The following WDR70 variants were observed in gnomAD, a reference collection of about 807,000 sequenced individuals.
WDR70 encodes WD repeat domain 70.
Under a neutral mutation model 88.6 loss-of-function variants are expected in WDR70, and 53 were observed. The ratio of observed to expected loss-of-function variants is 0.60; its 90% CI spans 0.48 to 0.75. The LOEUF is 0.75. WDR70 is among the 30% of genes least tolerant of loss of function. The pLI is 0.00. For synonymous variants in WDR70, 280 were observed against 270.0 expected (o/e 1.04, Z -0.36); for missense variants, 610 against 823.2 (o/e 0.74, Z 3.17).
chr5:37,577,569 T>G (rs1366191147), intron 9 of WDR70, among the ~76,000 whole-genome samples: 1 of 152,090 alleles, frequency 6.6e-6, no homozygotes, highest in Non-Finnish European at 1.5e-5. Context: ...AGGGAGATAA[T>G]GTTTTAGTTG....
intron 3 of WDR70, among the ~76,000 whole-genome samples, chr5:37,391,288 A>G (rs1160497502): frequency 6.6e-6 from 1 of 152,184 alleles, no homozygotes; most frequent in Non-Finnish European, 1.5e-5. Context: ...TTGTTATAAA[A>G]TACACATAAA....
intron 9 of WDR70, among the ~76,000 whole-genome samples, chr5:37,594,849 C>G (rs1475527040): frequency 6.6e-6 from 1 of 152,080 alleles, no homozygotes; most frequent in Non-Finnish European, 1.5e-5. Flanking sequence ...TTGAAGAGGT[C>G]CTTCACATCC....
At chr5:37,583,919 G>A (rs1581412722) in intron 9 of WDR70, among the ~76,000 whole-genome samples, 1 of 152,224 alleles carries the variant, frequency 6.6e-6, no homozygotes, top group East Asian at 1.9e-4. Context: ...TGAAAGTACT[G>A]CTTGAACCAA....
chr5:37,472,197 G>A (rs1739346705), intron 7 of WDR70, among the ~76,000 whole-genome samples: 1 of 151,902 alleles, frequency 6.6e-6, no homozygotes, highest in Non-Finnish European at 1.5e-5. Context: ...TGACTTGAAT[G>A]CTTTGATATT....
intron 9 of WDR70, among the ~76,000 whole-genome samples, chr5:37,597,466 A>G (rs187382966): frequency 2.8e-4 from 43 of 152,264 alleles, no homozygotes; most frequent in Non-Finnish European, 4.7e-4. Context: ...ATCTTTCCAT[A>G]TACTATTTAT....
intron 9 of WDR70, among the ~76,000 whole-genome samples, chr5:37,578,601 T>G (rs1038574501): frequency 1.3e-5 from 2 of 152,236 alleles, no homozygotes; most frequent in African/African-American, 2.4e-5. Context: ...TTTTTCTTAT[T>G]TAATGATTAA....
intron 9 of WDR70, among the ~76,000 whole-genome samples, chr5:37,577,680 A>G (rs1442845678): frequency 1.3e-5 from 2 of 152,144 alleles, no homozygotes; most frequent in Non-Finnish European, 2.9e-5. Context: ...GTCAAGGATG[A>G]ATGAGACCAC....
chr5:37,687,392 C>T (rs1026587472), intron 10 of WDR70, among the ~76,000 whole-genome samples: 1 of 152,146 alleles, frequency 6.6e-6, no homozygotes, highest in African/African-American at 2.4e-5. Flanking sequence ...GCATCTCTCC[C>T]TCTCCTGTGG....
intron 9 of WDR70, among the ~76,000 whole-genome samples, chr5:37,602,404 T>G (rs1743911700): frequency 6.6e-6 from 1 of 150,378 alleles, no homozygotes; most frequent in African/African-American, 2.5e-5. Flanking sequence ...AGGCCAGAAG[T>G]TTGAGACCAG....
intron 5 of WDR70, among the ~76,000 whole-genome samples, chr5:37,399,045 G>A (rs1318592684): frequency 6.6e-6 from 1 of 152,190 alleles, no homozygotes; most frequent in African/African-American, 2.4e-5. Context: ...TTGGGAGGCC[G>A]AGATGGGCGG....
chr5:37,554,972 T>C (rs1297072764), intron 9 of WDR70, among the ~76,000 whole-genome samples: 1 of 152,270 alleles, frequency 6.6e-6, no homozygotes, highest in Non-Finnish European at 1.5e-5. Context: ...ATGTTTCTTA[T>C]GTAGCCAGCC....
intron 10 of WDR70, among the ~76,000 whole-genome samples, chr5:37,677,258 A>T (rs2112607464): frequency 6.6e-6 from 1 of 151,578 alleles, no homozygotes; most frequent in Non-Finnish European, 1.5e-5. Flanking sequence ...GATTTTAGTT[A>T]TTTCTTGCCT....
chr5:37,391,344 C>T (rs1287604645), intron 3 of WDR70, among the ~76,000 whole-genome samples: 1 of 152,118 alleles, frequency 6.6e-6, no homozygotes, highest in African/African-American at 2.4e-5. Flanking sequence ...GCAGCCATCA[C>T]CACCATCCAT....
chr5:37,539,616 G>A (rs193025997), intron 9 of WDR70, among the ~76,000 whole-genome samples: 1 of 152,196 alleles, frequency 6.6e-6, no homozygotes, highest in African/African-American at 2.4e-5. Flanking sequence ...TAACAGAGAG[G>A]GGGAAGTGTT....
At chr5:37,605,020 CTTT>C in intron 9 of WDR70, 41 bp from the exon 10 acceptor site, 4 of 1,334,172 alleles carry the variant, frequency 3.0e-6, no homozygotes, top group East Asian at 2.8e-5. Flanking sequence ...CCCCCTCCTT[CTTT>C]TTTTTTTTAA....
intron 10 of WDR70, among the ~76,000 whole-genome samples, chr5:37,625,310 C>G (rs1744631249): frequency 6.6e-6 from 1 of 152,084 alleles, no homozygotes; most frequent in Non-Finnish European, 1.5e-5. Context: ...GTATGAGTTC[C>G]CTTTTCTCCA....
chr5:37,403,059 G>A (rs13174012), intron 5 of WDR70, among the ~76,000 whole-genome samples: 28,551 of 147,224 alleles, frequency 0.19, 2,987 homozygotes, highest in East Asian at 0.4. Flanking sequence ...CCATTCTCGT[G>A]CCTCAGCCTC....
intron 9 of WDR70, among the ~76,000 whole-genome samples, chr5:37,525,174 A>G (rs4869526): frequency 0.6 from 90,685 of 152,040 alleles, 28,405 homozygotes; most frequent in Non-Finnish European, 0.69. Context: ...AAAAGAATAT[A>G]CATTCTTCTC....
chr5:37,641,116 G>A (rs1745090406), intron 10 of WDR70, among the ~76,000 whole-genome samples: 1 of 152,146 alleles, frequency 6.6e-6, no homozygotes, highest in African/African-American at 2.4e-5. Context: ...TTCACAGCAT[G>A]CTTTTTTCCC....
Sources: gnomAD v4.1 joint callset for allele counts (sites outside exome capture counted in the v4.1 genomes callset) on GRCh38, gnomAD v4.1.1 for gene constraint, MANE v1.5 for transcripts, NCBI Gene and HGNC (gene_info 2026-07-23, HGNC 2026-07-21) for gene names.